The following TG variants were observed in gnomAD, a reference collection of about 807,000 sequenced individuals.
TG encodes thyroglobulin.
In TG, 270 loss-of-function variants were observed where a neutral mutation model predicts 324.7. That is an observed-to-expected ratio of 0.83 (90% confidence interval 0.75 to 0.92). The LOEUF (loss-of-function observed/expected upper bound fraction) is 0.92. TG is among the 40% of genes least tolerant of loss of function. TG has a pLI of 0.00. For synonymous variants in TG, 1,401 were observed against 1,327.0 expected, an observed-to-expected ratio of 1.06 and a Z score of -1.21; for missense variants, 3,591 against 3,456.4, an observed-to-expected ratio of 1.04 and a Z score of -0.98.
chr8:132,951,976 T>C (rs1283731201), intron 27 of TG, among the ~76,000 whole-genome samples: 1 of 151,924 alleles, frequency 6.6e-6, no homozygotes, highest in Non-Finnish European at 1.5e-5. Flanking sequence ...TGAAAGAACA[T>C]AGGGGGTGCT....
rs187036614 is a variant in TG at position 133,124,401 on chromosome 8, G to C, written c.7863-7411G>C. ...CTCTTGGGATTAAACATCTACTCACGCCCCATAGAGGATGTTAGACTGGTC... is the reference window on the plus strand; with the variant it reads ...CTCTTGGGATTAAACATCTACTCACCCCCCATAGAGGATGTTAGACTGGTC... On this transcript the variant is annotated intron_variant, in intron 45 of 47. Transcript: ENST00000220616. Among the ~76,000 whole-genome samples, 630 of 152,252 alleles carry C rather than the reference G, an allele frequency of 4.1e-3. 5 individuals are homozygous for C. The highest frequency in any genetic ancestry group is 0.015 in the African/African-American group (603 of 41,540).
intron 8 of TG, 119 bp downstream of exon 8, chr8:132,883,118 C>A: frequency 1.8e-6 from 2 of 1,095,120 alleles, no homozygotes; most frequent in Non-Finnish European, 2.6e-6. Context: ...CCCTCTGGCC[C>A]TTCAAGCTCA....
intron 23 of TG, among the ~76,000 whole-genome samples, 191 bp downstream of exon 23, chr8:132,929,383 A>G (rs558177258): frequency 6.6e-6 from 1 of 152,374 alleles, no homozygotes; most frequent in South Asian, 2.1e-4. Flanking sequence ...TTGACAGTTT[A>G]TCTACTGTAT....
At chr8:133,005,021 G>C (rs531156603) in intron 35 of TG, among the ~76,000 whole-genome samples, 22 of 152,336 alleles carry the variant, frequency 1.4e-4, no homozygotes, top group African/African-American at 5.1e-4. Context: ...AATGGAGGGA[G>C]TGGTGGAAAC....
At chr8:133,049,509 C>T (rs918789824) in intron 41 of TG, 3 of 287,172 alleles carry the variant, frequency 1.0e-5, no homozygotes, top group Non-Finnish European at 2.1e-5. Context: ...GGAAAGGGAA[C>T]TGATGCATAA....
At chr8:132,975,957 C>T (rs1230964890) in intron 34 of TG, among the ~76,000 whole-genome samples, 5 of 152,166 alleles carry the variant, frequency 3.3e-5, no homozygotes, top group East Asian at 1.9e-4. Context: ...TTCAACTTTA[C>T]TGAGTGTCTG....
chr8:133,053,307 G>C (rs1307664247), intron 41 of TG, among the ~76,000 whole-genome samples: 1 of 152,204 alleles, frequency 6.6e-6, no homozygotes, highest in Non-Finnish European at 1.5e-5. Flanking sequence ...CCCACCCCCG[G>C]CTGTGAGTTC....
At chr8:133,039,321 T>C (rs1837719547) in intron 41 of TG, among the ~76,000 whole-genome samples, 1 of 152,234 alleles carries the variant, frequency 6.6e-6, no homozygotes, top group African/African-American at 2.4e-5. Context: ...TCTGAACTGC[T>C]CTTTTCTTGG....
intron 18 of TG, among the ~76,000 whole-genome samples, chr8:132,908,641 G>A (rs1819046697): frequency 6.6e-6 from 1 of 152,174 alleles, no homozygotes; most frequent in Admixed American, 6.5e-5. Flanking sequence ...CCTGGCTAGA[G>A]TTTGGTTCAT....
chr8:133,074,101 C>A (rs1304059165), intron 41 of TG, among the ~76,000 whole-genome samples: 1 of 152,118 alleles, frequency 6.6e-6, no homozygotes, highest in East Asian at 1.9e-4. Flanking sequence ...TGGAGTGTGC[C>A]ATATTTCTTA....
intron 43 of TG, among the ~76,000 whole-genome samples, chr8:133,110,830 A>G (rs1850193258): frequency 6.6e-6 from 1 of 152,226 alleles, no homozygotes; most frequent in Non-Finnish European, 1.5e-5. Flanking sequence ...TGCCAGCTCC[A>G]GGCCATTGCA....
chr8:133,130,336 T>C (rs1004596952), intron 45 of TG, among the ~76,000 whole-genome samples: 1 of 152,246 alleles, frequency 6.6e-6, no homozygotes, highest in Non-Finnish European at 1.5e-5. Context: ...CCCTGAAACC[T>C]GTGACTGTGT....
At chr8:132,924,539 A>G (rs1186553399) in intron 22 of TG, among the ~76,000 whole-genome samples, 1 of 152,196 alleles carries the variant, frequency 6.6e-6, no homozygotes, top group Non-Finnish European at 1.5e-5. Context: ...ACAAATACGT[A>G]TTGAGCTCTA....
chr8:132,899,323 C>T (rs1817590092), intron 14 of TG, among the ~76,000 whole-genome samples: 1 of 152,194 alleles, frequency 6.6e-6, no homozygotes, highest in Non-Finnish European at 1.5e-5. Flanking sequence ...CCCTAGCTCC[C>T]GGGGTGATTG....
chr8:132,968,999 G>A (rs1308116934), intron 31 of TG, among the ~76,000 whole-genome samples: 1 of 152,120 alleles, frequency 6.6e-6, no homozygotes, highest in Non-Finnish European at 1.5e-5. Context: ...GGTGGGGAGA[G>A]GGCTGTTGTC....
intron 5 of TG, 78 bp downstream of exon 5, chr8:132,873,299 A>G (rs1839670185): frequency 6.5e-7 from 1 of 1,543,920 alleles, no homozygotes; most frequent in South Asian, 1.1e-5. Context: ...GGGGGCCTCC[A>G]TGTGTCATAT....
In TG at chr8:132,957,766, C is replaced by CAGACACACACAG. The variant is rs1554680123; in HGVS notation, c.5402-3241_5402-3240insGACACACACAGA. Among the ~76,000 whole-genome samples, 3 of 145,492 alleles carry CAGACACACACAG rather than the reference C, an allele frequency of 2.1e-5. No homozygotes were observed. In the Admixed American group the frequency reaches 2.1e-4, roughly 10 times the overall value. ...CTACACACACACACACACACACACA[C>CAGACACACACAG]ACACACACACACACACACGTATGTA... is the stretch of plus-strand genomic sequence containing the variant. On this transcript the variant is annotated intron_variant, in intron 27 of 47. Coordinates refer to ENST00000220616, the MANE Select transcript of TG (RefSeq NM_003235.5).
At chr8:133,012,187 A>C in intron 36 of TG, 152 bp downstream of exon 36, 1 of 1,171,354 alleles carries the variant, frequency 8.5e-7, no homozygotes, top group South Asian at 1.4e-5. Context: ...ACCTGGGTGA[A>C]GTCTCCTCAT....
At chr8:133,014,180 C>T (rs530122039) in intron 37 of TG, among the ~76,000 whole-genome samples, 4 of 152,200 alleles carry the variant, frequency 2.6e-5, no homozygotes, top group Non-Finnish European at 5.9e-5. Flanking sequence ...TGATTTCACA[C>T]AGCTAATGAT....
Sources: allele counts gnomAD v4.1 joint callset (sites outside exome capture counted in the v4.1 genomes callset), GRCh38; gene constraint gnomAD v4.1.1; transcripts MANE v1.5; gene names NCBI Gene and HGNC (gene_info 2026-07-23, HGNC 2026-07-21).